TCEA1: variants seen among roughly 807,000 people sequenced by gnomAD.
TCEA1 encodes the protein transcription elongation factor A1.
TCEA1 carries 21 observed loss-of-function variants against 43.8 expected under a neutral mutation model. The ratio of observed to expected loss-of-function variants is 0.48; its 90% confidence interval spans 0.34 to 0.69. The LOEUF is 0.69. Ranked by LOEUF, TCEA1 falls within the 30% of genes least tolerant of loss-of-function variation. The pLI, the probability that TCEA1 is intolerant of heterozygous loss-of-function variation, is 0.01. For synonymous variants in TCEA1, 104 were observed against 117.5 expected, an observed-to-expected ratio of 0.88 and a Z score of 0.75; for missense variants, 250 against 365.1, an observed-to-expected ratio of 0.68 and a Z score of 2.57.
intron 6 of TCEA1, among the ~76,000 whole-genome samples, chr8:53,984,853 G>C (rs1184264149): frequency 6.6e-6 from 1 of 151,824 alleles, no homozygotes; most frequent in Non-Finnish European, 1.5e-5. Flanking sequence ...CTACACTCCA[G>C]CCTGGGCGAC....
chr8:53,971,713 A>G, intron 8 of TCEA1: 1 of 203,804 alleles, frequency 4.9e-6, no homozygotes. Flanking sequence ...TCAGATTCTG[A>G]TTCTGATCTT....
intron 2 of TCEA1, among the ~76,000 whole-genome samples, chr8:54,002,154 C>T (rs146276236): frequency 0.011 from 1,579 of 149,452 alleles, 17 homozygotes; most frequent in Non-Finnish European, 0.017. Context: ...CCAGCCTGGG[C>T]GACAGAGCAA....
At chr8:53,974,545 G>C (rs1288529712) in intron 8 of TCEA1, among the ~76,000 whole-genome samples, 6 of 141,026 alleles carry the variant, frequency 4.3e-5, no homozygotes, top group African/African-American at 1.5e-4. Flanking sequence ...GGGTGGGGGG[G>C]GGACGGAGTT....
At chr8:54,002,908 G>C (rs2129309697) in intron 2 of TCEA1, 1 of 456,262 alleles carries the variant, frequency 2.2e-6, no homozygotes, top group African/African-American at 2.0e-5. Context: ...AAGGTGGAGA[G>C]TGCATTAAGC....
chr8:53,983,142 C>T (rs907896028), intron 7 of TCEA1, among the ~76,000 whole-genome samples: 1 of 152,174 alleles, frequency 6.6e-6, no homozygotes, highest in African/African-American at 2.4e-5. Context: ...CTCAGATGAT[C>T]ATGAGCAATT....
intron 7 of TCEA1, among the ~76,000 whole-genome samples, chr8:53,984,128 T>C (rs1421766670): frequency 6.6e-6 from 1 of 152,202 alleles, no homozygotes; most frequent in Non-Finnish European, 1.5e-5. Context: ...AACACGTTTG[T>C]TTTTAGAAAA....
At chr8:53,987,073 G>C (rs1209296978) in intron 5 of TCEA1, 48 bp from the exon 6 acceptor site, 1 of 1,462,826 alleles carries the variant, frequency 6.8e-7, no homozygotes, top group Non-Finnish European at 9.3e-7. Context: ...CAGATTAAAA[G>C]AAAATTCTAA....
intron 2 of TCEA1, among the ~76,000 whole-genome samples, chr8:54,002,275 T>A (rs1171025135): frequency 3.3e-5 from 5 of 150,534 alleles, no homozygotes; most frequent in Admixed American, 1.3e-4. Context: ...ATTAAGACCA[T>A]CCTGGCTGAC....
chr8:53,972,650 G>A (rs954329414), intron 8 of TCEA1: 3 of 615,476 alleles, frequency 4.9e-6, no homozygotes, highest in African/African-American at 3.6e-5. Context: ...TGAAGGAAGA[G>A]CAAGTTTGAG....
At chr8:54,015,257 C>T (rs901545856) in intron 1 of TCEA1, among the ~76,000 whole-genome samples, 1 of 151,782 alleles carries the variant, frequency 6.6e-6, no homozygotes, top group Non-Finnish European at 1.5e-5. Flanking sequence ...GCAACCTCTA[C>T]CTCCTGGGTT....
rs184179296 is a variant in TCEA1, at chr8:54,000,147, A to T, written c.127-97T>A. On this transcript the variant is annotated intron_variant, in intron 2 of 9. Transcript: ENST00000521604. ...TTTTCTTTCCCAGATTCCTGTTTCT[A>T]TTTTAGAATTTCAAAACTTCAATTT... The T allele has an allele frequency of 1.1e-3, 892 of 800,660 alleles. 5 individuals carry two copies. The African/African-American group carries it at 0.014, about 13-fold the overall frequency. 49.6% of individuals were successfully genotyped at this position (800,660 alleles called of 1,614,324 possible).
At chr8:54,017,103 T>C (rs1386216136) in intron 1 of TCEA1, among the ~76,000 whole-genome samples, 1 of 151,908 alleles carries the variant, frequency 6.6e-6, no homozygotes, top group Non-Finnish European at 1.5e-5. Context: ...AGAAAGTATA[T>C]TAGTGGCTGT....
chr8:53,991,576 C>A lies in TCEA1; in HGVS notation c.320+2092G>T, dbSNP rs184103960. Among the ~76,000 whole-genome samples, 1,221 of 151,874 alleles carry A rather than the reference C, an allele frequency of 8.0e-3. 21 individuals are homozygous for A. Among genetic ancestry groups the A allele is most frequent in the African/African-American group, 0.027 (1,128 of 41,320 alleles). On this transcript the variant is annotated intron_variant, in intron 4 of 9. Transcript: ENST00000521604. ...AGGCATGGTGGCACATGCCTGTAAT[C>A]CCAGCTACTTGGGAGGCTGAGGCAG...
intron 7 of TCEA1, among the ~76,000 whole-genome samples, chr8:53,979,886 C>T (rs768386569): frequency 1.3e-5 from 2 of 152,176 alleles, no homozygotes; most frequent in Non-Finnish European, 2.9e-5. Context: ...TCCCACATCC[C>T]TATGATTGCA....
intron 1 of TCEA1, among the ~76,000 whole-genome samples, chr8:54,020,078 T>TA (rs1804973498): frequency 6.6e-6 from 1 of 152,184 alleles, no homozygotes; most frequent in Non-Finnish European, 1.5e-5. Flanking sequence ...ACCTGCCCAC[T>TA]AAAAAATTAC....
intron 3 of TCEA1, among the ~76,000 whole-genome samples, chr8:53,995,621 A>C (rs1307239577): frequency 6.6e-6 from 1 of 152,238 alleles, no homozygotes. Context: ...TCTGTATAGA[A>C]TATAGAAGAA....
At chr8:53,977,212 C>G (rs1001650566) in intron 8 of TCEA1, among the ~76,000 whole-genome samples, 3 of 151,994 alleles carry the variant, frequency 2.0e-5, no homozygotes, top group Non-Finnish European at 4.4e-5. Flanking sequence ...CCCAGCTACT[C>G]GGGAGGCTGA....
At chr8:54,003,998 G>A (rs997999244) in intron 2 of TCEA1, among the ~76,000 whole-genome samples, 3 of 150,620 alleles carry the variant, frequency 2.0e-5, no homozygotes, top group African/African-American at 4.9e-5. Context: ...ACATTTCTCC[G>A]AATAAGATAT....
intron 5 of TCEA1, among the ~76,000 whole-genome samples, chr8:53,987,802 T>C (rs1002290555): frequency 1.3e-5 from 2 of 152,192 alleles, no homozygotes; most frequent in South Asian, 2.1e-4. Context: ...GGGTATGTAG[T>C]TTGCAGATTA....
Sources: gnomAD v4.1 joint callset for allele counts (sites outside exome capture counted in the v4.1 genomes callset) on GRCh38, gnomAD v4.1.1 for gene constraint, MANE v1.5 for transcripts, NCBI Gene and HGNC (gene_info 2026-07-23, HGNC 2026-07-21) for gene names.